The following WDR37 variants were observed in gnomAD, a reference collection of about 807,000 sequenced individuals.
The protein encoded by WDR37 is WD repeat domain 37, also known as WD repeat-containing protein 37.
In WDR37, 19 loss-of-function variants were observed where a neutral mutation model predicts 62.9. The observed-to-expected ratio is 0.30, with a 90% CI of 0.21 to 0.44. The LOEUF (loss-of-function observed/expected upper bound fraction) is 0.44. WDR37 is among the 20% of genes least tolerant of loss of function. WDR37 has a pLI of 1.00. For synonymous variants in WDR37, 250 were observed against 260.9 expected, an observed-to-expected ratio of 0.96 and a Z score of 0.40; for missense variants, 474 against 657.6, an observed-to-expected ratio of 0.72 and a Z score of 3.05.
chr10:1,111,325 G>T (rs1425733477), intron 11 of WDR37, among the ~76,000 whole-genome samples: 1 of 152,162 alleles, frequency 6.6e-6, no homozygotes, highest in African/African-American at 2.4e-5. Context: ...GCAAGAAGTA[G>T]CTCTAAAGGC....
At chr10:1,066,272 C>T (rs567471134) in intron 1 of WDR37, among the ~76,000 whole-genome samples, 41 of 152,226 alleles carry the variant, frequency 2.7e-4, no homozygotes, top group African/African-American at 7.7e-4. Flanking sequence ...CCTGCCACCA[C>T]GCCCTGCTAA....
chr10:1,067,644 A>G (rs1833594814), intron 1 of WDR37, among the ~76,000 whole-genome samples: 1 of 152,240 alleles, frequency 6.6e-6, no homozygotes. Flanking sequence ...TGTGGATGAC[A>G]AGCACATGAA....
At chr10:1,109,462 C>A (rs948550965) in intron 11 of WDR37, among the ~76,000 whole-genome samples, 2 of 152,196 alleles carry the variant, frequency 1.3e-5, no homozygotes, top group Admixed American at 6.5e-5. Context: ...CGCGGTGGCT[C>A]ACGCCTGTAA....
intron 1 of WDR37, among the ~76,000 whole-genome samples, chr10:1,071,793 A>G (rs1197898997): frequency 2.0e-5 from 3 of 152,216 alleles, no homozygotes; most frequent in African/African-American, 7.2e-5. Flanking sequence ...ATATGCAATT[A>G]ACATTGGTTC....
intron 5 of WDR37, among the ~76,000 whole-genome samples, chr10:1,081,541 T>C (rs947170378): frequency 6.6e-6 from 1 of 152,238 alleles, no homozygotes; most frequent in Non-Finnish European, 1.5e-5. Context: ...CCTCACTTGA[T>C]AGTCTTTGGT....
At chr10:1,126,201 C>G (rs529985603) in intron 13 of WDR37, among the ~76,000 whole-genome samples, 20 of 152,030 alleles carry the variant, frequency 1.3e-4, no homozygotes, top group Non-Finnish European at 2.4e-4. Flanking sequence ...GTCAGGAGAT[C>G]GAGACCATCC....
At chr10:1,098,614 C>T (rs1000923236) in intron 9 of WDR37, among the ~76,000 whole-genome samples, 12 of 152,282 alleles carry the variant, frequency 7.9e-5, no homozygotes, top group African/African-American at 1.9e-4. Flanking sequence ...CGTGAGCCAC[C>T]GTGCCCAGCC....
chr10:1,091,823 C>A (rs951806682), intron 7 of WDR37, among the ~76,000 whole-genome samples: 1 of 152,210 alleles, frequency 6.6e-6, no homozygotes, highest in Non-Finnish European at 1.5e-5. Flanking sequence ...TCAAGCTATT[C>A]TGTCTACATT....
intron 13 of WDR37, among the ~76,000 whole-genome samples, chr10:1,126,119 TCAGTGGCTGGTCG>T (rs1223870852): frequency 6.6e-6 from 1 of 152,058 alleles, no homozygotes; most frequent in Non-Finnish European, 1.5e-5. Context: ...CTCCCCGGGG[TCAGTGGCTGGTCG>T]CAGTGGCTGA....
In WDR37 at chr10:1,098,989, A is replaced by G. The variant is rs560566145; in HGVS notation, c.726+2743A>G. ...CTGTTTAATATTAGACATCTGGTGT[A>G]TCTTTCATGGACGTTTATCATCACA... On this transcript the variant is annotated intron_variant, in intron 9 of 13. Coordinates refer to ENST00000263150, the MANE Select transcript of WDR37 (RefSeq NM_014023.4). Among the ~76,000 whole-genome samples, 6 of 152,350 alleles carry G rather than the reference A, an allele frequency of 3.9e-5. No homozygotes were observed. In the South Asian group the frequency reaches 1.0e-3, roughly 26 times the overall value.
chr10:1,126,143 C>A (rs116774015), intron 13 of WDR37, among the ~76,000 whole-genome samples: 3 of 152,244 alleles, frequency 2.0e-5, no homozygotes, highest in South Asian at 2.1e-4. Flanking sequence ...CAGTGGCTGA[C>A]GCCTGTAATC....
At chr10:1,113,950 C>CCTT (rs1835300387) in intron 11 of WDR37, among the ~76,000 whole-genome samples, 1 of 76,200 alleles carries the variant, frequency 1.3e-5, no homozygotes, top group African/African-American at 4.7e-5. Context: ...GGTAAAATGC[C>CCTT]TTTTTTTTTT....
chr10:1,093,654 T>TA (rs1353629032), intron 8 of WDR37, among the ~76,000 whole-genome samples, 158 bp downstream of exon 8: 1 of 152,186 alleles, frequency 6.6e-6, no homozygotes, highest in Non-Finnish European at 1.5e-5. Flanking sequence ...TAAAGGAAAA[T>TA]ACATTGAGCA....
chr10:1,063,781 C>T (rs759769246), intron 1 of WDR37, among the ~76,000 whole-genome samples: 20 of 152,150 alleles, frequency 1.3e-4, no homozygotes, highest in Non-Finnish European at 2.4e-4. Flanking sequence ...GGAAGTTCGG[C>T]AGGAGGCTGA....
intron 1 of WDR37, among the ~76,000 whole-genome samples, chr10:1,066,595 G>T (rs1007524915): frequency 6.6e-6 from 1 of 152,150 alleles, no homozygotes; most frequent in African/African-American, 2.4e-5. Flanking sequence ...ATATGTAAAA[G>T]ATTATTCAAA....
chr10:1,102,093 G>C (rs1271720687), intron 9 of WDR37, among the ~76,000 whole-genome samples: 1 of 148,306 alleles, frequency 6.7e-6, no homozygotes, highest in Admixed American at 6.7e-5. Flanking sequence ...GCTGCCGTGC[G>C]TCCCTGTGAC....
intron 13 of WDR37, among the ~76,000 whole-genome samples, chr10:1,128,968 C>T (rs571980422): frequency 3.3e-5 from 5 of 149,492 alleles, no homozygotes; most frequent in African/African-American, 1.2e-4. Flanking sequence ...GGTTGGTGCT[C>T]GGCAGTCCAT....
At chr10:1,097,395 A>G (rs1363635226) in intron 9 of WDR37, among the ~76,000 whole-genome samples, 1 of 152,180 alleles carries the variant, frequency 6.6e-6, no homozygotes, top group African/African-American at 2.4e-5. Flanking sequence ...TGGGGACAGA[A>G]TGAAGGAAGG....
At position 1,088,581 on chromosome 10, in the gene WDR37, T is replaced by G. The variant is rs538308530; in HGVS notation, c.604+2224T>G. On this transcript the variant is annotated intron_variant, in intron 7 of 13. Coordinates refer to ENST00000263150, the MANE Select transcript of WDR37 (RefSeq NM_014023.4). ...GTAAGTTTGTGGTCTTATGTGGGTG[T>G]GGTTTGTGCCTCTCCCCAAAATGAC... 8.6e-5 allele frequency among the ~76,000 whole-genome samples: 13 copies of G among 152,046 alleles called. 1 individual carries two copies. In the South Asian group the frequency reaches 2.7e-3, roughly 32 times the overall value.
Sources: allele counts gnomAD v4.1 joint callset (sites outside exome capture counted in the v4.1 genomes callset), GRCh38; gene constraint gnomAD v4.1.1; transcripts MANE v1.5; gene names NCBI Gene and HGNC (gene_info 2026-07-23, HGNC 2026-07-21).